Variants in COL11A1 observed in about 807,000 individuals in gnomAD.
COL11A1 encodes the protein collagen alpha-1(XI) chain.
Under a neutral mutation model 265.2 loss-of-function variants are expected in COL11A1, and 74 were observed. That is an observed-to-expected ratio of 0.28 (90% CI 0.23 to 0.34). The LOEUF (loss-of-function observed/expected upper bound fraction) is 0.34, where lower values mean the gene tolerates loss of function less well. COL11A1 is among the 10% of genes least tolerant of loss of function. The probability of loss-of-function intolerance (pLI) is 1.00; values close to 1 mark genes in which losing one functional copy is unlikely to be tolerated. For synonymous variants in COL11A1, 816 were observed against 727.6 expected, an observed-to-expected ratio of 1.12 and a Z score of -1.96; for missense variants, 2,165 against 2,263.6, an observed-to-expected ratio of 0.96 and a Z score of 0.88.
chr1:103,061,637 C>T (rs900278941), intron 4 of COL11A1, among the ~76,000 whole-genome samples: 7 of 151,722 alleles, frequency 4.6e-5, no homozygotes, highest in Non-Finnish European at 5.9e-5. Flanking sequence ...GGATTGAAGA[C>T]AAAATCTCAG....
At chr1:103,059,852 A>C (rs1452395818) in intron 4 of COL11A1, among the ~76,000 whole-genome samples, 2 of 152,108 alleles carry the variant, frequency 1.3e-5, no homozygotes, top group Admixed American at 6.6e-5. Flanking sequence ...GGAAATACAA[A>C]ACTAAACAGG....
intron 1 of COL11A1, among the ~76,000 whole-genome samples, chr1:103,098,867 T>C (rs1457040764): frequency 4.0e-5 from 6 of 151,696 alleles, no homozygotes; most frequent in Non-Finnish European, 8.9e-5. Context: ...GTGCTTAGGG[T>C]AGAGGTCATA....
At chr1:102,985,146 A>G (rs1260535447) in intron 30 of COL11A1, among the ~76,000 whole-genome samples, 1 of 152,126 alleles carries the variant, frequency 6.6e-6, no homozygotes, top group Admixed American at 6.5e-5. Flanking sequence ...AATATTATTT[A>G]CTAATGTCTT....
chr1:102,945,846 T>C (rs1480432168), intron 42 of COL11A1, among the ~76,000 whole-genome samples: 2 of 152,052 alleles, frequency 1.3e-5, no homozygotes, highest in Non-Finnish European at 2.9e-5. Context: ...CAAAGGACTA[T>C]AAATCATGCT....
rs185637959 is a variant in COL11A1 at position 102,899,821 on chromosome 1, G to A, written c.4087-827C>T. On this transcript the variant is annotated intron_variant, in intron 54 of 66. Coordinates refer to ENST00000370096, the MANE Select transcript of COL11A1 (RefSeq NM_001854.4). ...TGGTGTTAATTGGTGAGAATAAGGTGAGGCAGGAGGGTGACTGTTCCTTTT... is the reference window on the plus strand; with the variant it reads ...TGGTGTTAATTGGTGAGAATAAGGTAAGGCAGGAGGGTGACTGTTCCTTTT... 1.7e-3 allele frequency among the ~76,000 whole-genome samples: 262 copies of A among 152,260 alleles called. 3 individuals carry two copies. The highest frequency in any genetic ancestry group is 6.1e-3 in the African/African-American group (255 of 41,564).
intron 4 of COL11A1, among the ~76,000 whole-genome samples, chr1:103,048,461 A>AT (rs1406646790): frequency 6.6e-6 from 1 of 151,748 alleles, no homozygotes; most frequent in Non-Finnish European, 1.5e-5. Flanking sequence ...CCCCTTTATC[A>AT]TTTTTTATTG....
chr1:103,051,439 TA>T (rs1669818961), intron 4 of COL11A1, among the ~76,000 whole-genome samples: 1 of 152,246 alleles, frequency 6.6e-6, no homozygotes, highest in Admixed American at 6.5e-5. Flanking sequence ...TGCCATTTTT[TA>T]AGCCCATTGG....
intron 1 of COL11A1, among the ~76,000 whole-genome samples, chr1:103,085,947 C>A (rs1235068828): frequency 2.0e-5 from 3 of 152,066 alleles, no homozygotes; most frequent in Admixed American, 6.6e-5. Context: ...GATTTAAGAA[C>A]CAGAGAACAA....
At chr1:102,903,628 C>T (rs1010124016) in intron 54 of COL11A1, among the ~76,000 whole-genome samples, 1 of 152,140 alleles carries the variant, frequency 6.6e-6, no homozygotes, top group South Asian at 2.1e-4. Flanking sequence ...ACAGATATTA[C>T]CTTACTGCAT....
chr1:103,015,031 GATTT>G (rs1286314817), intron 12 of COL11A1, among the ~76,000 whole-genome samples: 1 of 151,850 alleles, frequency 6.6e-6, no homozygotes, highest in Non-Finnish European at 1.5e-5. Flanking sequence ...TTTTCCTTGT[GATTT>G]ATTTATTTTG....
At chr1:103,069,452 G>A (rs116507278) in intron 4 of COL11A1, among the ~76,000 whole-genome samples, 1,848 of 151,768 alleles carry the variant, frequency 0.012, 40 homozygotes, top group African/African-American at 0.041. Flanking sequence ...AAACAACAAC[G>A]TTCTGATACT....
chr1:103,023,087 G>A (rs1253861063), intron 7 of COL11A1, 91 bp from the exon 8 acceptor site: 3 of 1,353,546 alleles, frequency 2.2e-6, no homozygotes, highest in Non-Finnish European at 3.1e-6. Context: ...GATAGCGTGT[G>A]ATGGGATGCG....
chr1:102,930,206 C>T (rs547420039), intron 46 of COL11A1, among the ~76,000 whole-genome samples: 10 of 151,844 alleles, frequency 6.6e-5, no homozygotes, highest in African/African-American at 2.4e-4. Flanking sequence ...TTTGCCCATT[C>T]AGTATGATAT....
intron 46 of COL11A1, among the ~76,000 whole-genome samples, chr1:102,929,393 G>A (rs1657079932): frequency 6.6e-6 from 1 of 152,056 alleles, no homozygotes; most frequent in South Asian, 2.1e-4. Context: ...TCAAAGAACA[G>A]ATAGTTGTAG....
chr1:103,071,045 T>C (rs923424309), intron 4 of COL11A1, among the ~76,000 whole-genome samples: 1 of 151,978 alleles, frequency 6.6e-6, no homozygotes, highest in Non-Finnish European at 1.5e-5. Context: ...TTATTATTCA[T>C]TGATTTCTCC....
At chr1:103,035,911 T>C (rs908771496) in intron 4 of COL11A1, among the ~76,000 whole-genome samples, 2 of 151,872 alleles carry the variant, frequency 1.3e-5, no homozygotes, top group African/African-American at 4.8e-5. Context: ...TAAATACAAG[T>C]TCTTAAAATA....
At chr1:103,036,487 A>G (rs764749475) in intron 4 of COL11A1, among the ~76,000 whole-genome samples, 5 of 150,606 alleles carry the variant, frequency 3.3e-5, no homozygotes, top group African/African-American at 1.2e-4. Flanking sequence ...TTCTATTTAC[A>G]GTCCTAACTT....
chr1:103,049,761 T>C (rs1669634599), intron 4 of COL11A1, among the ~76,000 whole-genome samples: 1 of 152,224 alleles, frequency 6.6e-6, no homozygotes, highest in Admixed American at 6.5e-5. Flanking sequence ...ACATGTTTAG[T>C]GCTTCCTTCA....
At chr1:103,026,588 T>C (rs192285040) in intron 5 of COL11A1, among the ~76,000 whole-genome samples, 84 of 152,078 alleles carry the variant, frequency 5.5e-4, no homozygotes, top group Non-Finnish European at 1.1e-3. Context: ...TTTGGAATAA[T>C]AATTCAAACT....
Sources: gnomAD v4.1 joint callset for allele counts (sites outside exome capture counted in the v4.1 genomes callset) on GRCh38, gnomAD v4.1.1 for gene constraint, MANE v1.5 for transcripts, NCBI Gene and HGNC (gene_info 2026-07-23, HGNC 2026-07-21) for gene names.